BANF2: variants seen among roughly 807,000 people sequenced by gnomAD.
BANF2 encodes the protein barrier-to-autointegration factor-like protein.
A neutral mutation model predicts 8.0 loss-of-function variants in BANF2; 4 were observed. The ratio of observed to expected loss-of-function variants is 0.50; its 90% CI spans 0.25 to 1.14. The LOEUF (loss-of-function observed/expected upper bound fraction) is 1.14, where lower values mean the gene tolerates loss of function less well. Ranked by LOEUF, BANF2 falls within the 50% of genes most tolerant of loss-of-function variation. The probability of loss-of-function intolerance (pLI) is 0.16; values close to 1 mark genes in which losing one functional copy is unlikely to be tolerated. For synonymous variants in BANF2, 50 were observed against 40.6 expected (o/e 1.23, Z -0.88); for missense variants, 96 against 107.5 (o/e 0.89, Z 0.47).
At chr20:17,718,957 T>C (rs1298073835) in intron 1 of BANF2, among the ~76,000 whole-genome samples, 1 of 152,230 alleles carries the variant, frequency 6.6e-6, no homozygotes, top group African/African-American at 2.4e-5. Flanking sequence ...TTGAGGCATC[T>C]GCTTAGTTCT....
chr20:17,720,210 T>C (rs966128112), intron 1 of BANF2, among the ~76,000 whole-genome samples: 1 of 152,208 alleles, frequency 6.6e-6, no homozygotes, highest in African/African-American at 2.4e-5. Context: ...AATTACCATA[T>C]GATGCAGCAA....
chr20:17,719,188 G>C (rs966717752), intron 1 of BANF2, among the ~76,000 whole-genome samples: 1 of 152,138 alleles, frequency 6.6e-6, no homozygotes, highest in Admixed American at 6.5e-5. Context: ...GCAATGGCTT[G>C]ATCTCGGCTC....
At chr20:17,731,759 GAAAAAAAAA>G (rs58645809) in intron 3 of BANF2, among the ~76,000 whole-genome samples, 6 of 95,036 alleles carry the variant, frequency 6.3e-5, no homozygotes, top group East Asian at 6.6e-4. Context: ...CGTCTCTTAG[GAAAAAAAAA>G]AAAAAAAAAA....
At chr20:17,728,316 G>T (rs1391361344) in intron 3 of BANF2, among the ~76,000 whole-genome samples, 2 of 152,138 alleles carry the variant, frequency 1.3e-5, no homozygotes, top group Non-Finnish European at 2.9e-5. Flanking sequence ...TGGAATGCAG[G>T]CCTGTGGGCC....
At chr20:17,713,666 T>C (rs1237143539) in intron 1 of BANF2, among the ~76,000 whole-genome samples, 1 of 151,792 alleles carries the variant, frequency 6.6e-6, no homozygotes, top group Non-Finnish European at 1.5e-5. Context: ...AGACCTCATC[T>C]TTACAAAAAT....
chr20:17,729,061 G>C (rs114426338), intron 3 of BANF2, among the ~76,000 whole-genome samples: 8 of 152,154 alleles, frequency 5.3e-5, no homozygotes, highest in Middle Eastern at 3.4e-3. Context: ...TCAAAATCAC[G>C]TATGTGGCTA....
intron 1 of BANF2, among the ~76,000 whole-genome samples, chr20:17,701,770 A>C (rs1371746357): frequency 6.6e-6 from 1 of 152,196 alleles, no homozygotes; most frequent in Non-Finnish European, 1.5e-5. Context: ...CCCAGGTAGG[A>C]AAGAGGAACC....
chr20:17,734,381 G>T (rs979400697), intron 3 of BANF2, among the ~76,000 whole-genome samples: 1 of 152,118 alleles, frequency 6.6e-6, no homozygotes, highest in Non-Finnish European at 1.5e-5. Flanking sequence ...GTATGAGAGA[G>T]GAATTTACAT....
intron 1 of BANF2, among the ~76,000 whole-genome samples, chr20:17,702,168 C>A (rs1449800713): frequency 6.6e-6 from 1 of 152,206 alleles, no homozygotes; most frequent in African/African-American, 2.4e-5. Context: ...TGCCGCCTCC[C>A]AGCTTGTGTG....
intron 1 of BANF2, among the ~76,000 whole-genome samples, chr20:17,701,499 G>T (rs2037408459): frequency 6.6e-6 from 1 of 152,130 alleles, no homozygotes; most frequent in Admixed American, 6.5e-5. Context: ...AAAGAGAATG[G>T]GCTGCTTTGC....
chr20:17,694,861 A>G (rs1047404478), intron 1 of BANF2, among the ~76,000 whole-genome samples: 2 of 151,882 alleles, frequency 1.3e-5, no homozygotes, highest in South Asian at 2.1e-4. Flanking sequence ...GACTCAAGCA[A>G]TCTTCCTGCC....
intron 1 of BANF2, among the ~76,000 whole-genome samples, chr20:17,694,601 CTTTTTTTTTTTTTTTTT>C (rs869067650): frequency 1.1e-4 from 3 of 26,738 alleles, no homozygotes; most frequent in Admixed American, 6.0e-4. Context: ...TTTTCTCTCT[CTTTTTTTTTTTTTTTTT>C]TTTTTTTTTT....
chr20:17,721,355 C>T (rs2037725212), intron 1 of BANF2, among the ~76,000 whole-genome samples: 1 of 151,028 alleles, frequency 6.6e-6, no homozygotes, highest in Admixed American at 6.7e-5. Flanking sequence ...AAGACCTCTC[C>T]TTCATTTGGA....
At chr20:17,709,748 A>G (rs2037542245) in intron 1 of BANF2, among the ~76,000 whole-genome samples, 1 of 152,218 alleles carries the variant, frequency 6.6e-6, no homozygotes, top group Non-Finnish European at 1.5e-5. Context: ...AGGTCAGTTA[A>G]TTTATCTTAT....
chr20:17,710,693 T>G (rs2037556976), intron 1 of BANF2, among the ~76,000 whole-genome samples: 1 of 152,246 alleles, frequency 6.6e-6, no homozygotes, highest in African/African-American at 2.4e-5. Flanking sequence ...GACAAGCTGC[T>G]GCAGTGATCT....
At chr20:17,715,911 A>G (rs1185182835) in intron 1 of BANF2, among the ~76,000 whole-genome samples, 1 of 152,224 alleles carries the variant, frequency 6.6e-6, no homozygotes, top group Non-Finnish European at 1.5e-5. Flanking sequence ...CCTGCAAATG[A>G]TTACTGGGGA....
At chr20:17,701,956 T>C (rs2037415680) in intron 1 of BANF2, among the ~76,000 whole-genome samples, 1 of 152,220 alleles carries the variant, frequency 6.6e-6, no homozygotes, top group South Asian at 2.1e-4. Flanking sequence ...ATTTACAAAA[T>C]GCCTGCTGCA....
At chr20:17,715,447 A>G (rs2037638369) in intron 1 of BANF2, among the ~76,000 whole-genome samples, 1 of 152,258 alleles carries the variant, frequency 6.6e-6, no homozygotes, top group African/African-American at 2.4e-5. Context: ...TAGACCCATC[A>G]AGATAAGGAT....
chr20:17,702,810 C>G (rs530835916), intron 1 of BANF2, among the ~76,000 whole-genome samples: 1 of 152,282 alleles, frequency 6.6e-6, no homozygotes, highest in East Asian at 1.9e-4. Context: ...AGAACCGTCA[C>G]GGGAATATTC....
Sources: allele counts gnomAD v4.1 joint callset (sites outside exome capture counted in the v4.1 genomes callset), GRCh38; gene constraint gnomAD v4.1.1; transcripts MANE v1.5; gene names NCBI Gene and HGNC (gene_info 2026-07-23, HGNC 2026-07-21).